AMELY: variants seen among roughly 807,000 people sequenced by gnomAD.
AMELY encodes amelogenin Y-linked.
AMELY carries 4 observed loss-of-function variants against 4.2 expected under a neutral mutation model. That is an observed-to-expected ratio of 0.96 (90% confidence interval 0.47 to 2.19). The LOEUF (loss-of-function observed/expected upper bound fraction) is 2.19. AMELY is among the 30% of genes most tolerant of loss of function. AMELY has a pLI of 0.02. For missense variants in AMELY, 32 were observed against 41.5 expected, an observed-to-expected ratio of 0.77 and a Z score of 0.63; for synonymous variants, 11 against 14.7, an observed-to-expected ratio of 0.75 and a Z score of 0.57.
At chrY:6,897,526 C>T (rs764079638) in intron 1 of AMELY, among the ~76,000 whole-genome samples, 17 of 30,366 alleles carry the variant, frequency 5.6e-4, no homozygotes, top group African/African-American at 2.2e-3. Flanking sequence ...AACTGACTCC[C>T]CTGCCTCGGC....
chrY:6,905,386 A>G, intron 1 of AMELY, among the ~76,000 whole-genome samples: 1 of 32,548 alleles, frequency 3.1e-5, no homozygotes, highest in South Asian at 7.0e-4. Context: ...TGGCACACAA[A>G]TATCTCACCA....
At chrY:6,906,542 G>T in intron 1 of AMELY, among the ~76,000 whole-genome samples, 2 of 33,179 alleles carry the variant, frequency 6.0e-5, no homozygotes, top group African/African-American at 2.4e-4. Flanking sequence ...ACAGCCCTCT[G>T]CAGCCTCAAA....
chrY:6,884,448 A>G (rs747471041), intron 1 of AMELY, among the ~76,000 whole-genome samples: 1 of 32,827 alleles, frequency 3.0e-5, no homozygotes, highest in Non-Finnish European at 7.4e-5. Context: ...TAAATAAATA[A>G]TAAATAAATA....
intron 1 of AMELY, among the ~76,000 whole-genome samples, chrY:6,885,049 A>G: frequency 2.9e-5 from 1 of 34,283 alleles, no homozygotes; most frequent in Non-Finnish European, 7.3e-5. Flanking sequence ...TTTCACATCA[A>G]TCAGAATGTC....
intron 3 of AMELY, among the ~76,000 whole-genome samples, chrY:6,872,011 C>A (rs779927787): frequency 1.9e-4 from 6 of 31,301 alleles, no homozygotes; most frequent in Admixed American, 1.5e-3. Context: ...CCTACAAAAA[C>A]CAAAAACTTC....
At chrY:6,892,272 G>A (rs2124083907) in intron 1 of AMELY, among the ~76,000 whole-genome samples, 4 of 33,756 alleles carry the variant, frequency 1.2e-4, no homozygotes, top group African/African-American at 4.6e-4. Context: ...CACAGCAGAA[G>A]AAATAAAACT....
At chrY:6,899,300 G>A in intron 1 of AMELY, among the ~76,000 whole-genome samples, 1 of 34,170 alleles carries the variant, frequency 2.9e-5, no homozygotes. Flanking sequence ...AGTGAGGCTT[G>A]AGCGACTGAA....
Position 6,868,782 on chromosome Y carries a change from G to A in AMELY, c.103-6C>T. Reference sequence around the variant, plus strand: ...CACTTCAAAGGGGTGAGCACCTTAAGAGAAAGATATATTAGAATCCATTTG... The same window carrying A: ...CACTTCAAAGGGGTGAGCACCTTAAAAGAAAGATATATTAGAATCCATTTG... On this transcript the variant is annotated splice_polypyrimidine_tract_variant and splice_region_variant and intron_variant, in intron 4 of 6. Coordinates refer to ENST00000651267, the MANE Select transcript of AMELY (RefSeq NM_001143.2). The A allele has an allele frequency of 2.6e-6, 1 of 387,580 alleles. No individual in the cohort carries two copies. Among genetic ancestry groups the A allele is most frequent in the Non-Finnish European group, 3.7e-6 (1 of 273,529 alleles).
intron 1 of AMELY, among the ~76,000 whole-genome samples, chrY:6,885,452 G>A: frequency 5.9e-5 from 2 of 34,104 alleles, no homozygotes; most frequent in African/African-American, 1.1e-4. Flanking sequence ...TCCAGCCTGG[G>A]CGACAGAGCG....
intron 4 of AMELY, among the ~76,000 whole-genome samples, chrY:6,869,682 G>T (rs2054065977): frequency 3.0e-5 from 1 of 33,594 alleles, no homozygotes. Context: ...TACCGGATGG[G>T]ATAGAACCAA....
intron 1 of AMELY, among the ~76,000 whole-genome samples, chrY:6,884,830 G>T (rs2054077953): frequency 3.0e-5 from 1 of 32,901 alleles, no homozygotes; most frequent in Non-Finnish European, 7.4e-5. Flanking sequence ...GTTATAAATC[G>T]TCCATCTGAC....
At chrY:6,867,919 G>T in intron 6 of AMELY, 118 bp downstream of exon 6, 1 of 218,547 alleles carries the variant, frequency 4.6e-6, no homozygotes, top group Non-Finnish European at 7.6e-6. Context: ...TAGAATCATA[G>T]ATCTGTAACT....
chrY:6,909,019 T>C (rs746287862), intron 1 of AMELY, among the ~76,000 whole-genome samples: 3 of 33,456 alleles, frequency 9.0e-5, no homozygotes, highest in Admixed American at 2.8e-4. Context: ...TCCATCACTT[T>C]CTCCTACTTT....
At chrY:6,902,535 A>G (rs1603023270) in intron 1 of AMELY, among the ~76,000 whole-genome samples, 4 of 31,538 alleles carry the variant, frequency 1.3e-4, no homozygotes, top group Non-Finnish European at 3.1e-4. Context: ...TTATATGAAG[A>G]GATTAATGGA....
chrY:6,866,341 G>A (rs2054061853), intron 6 of AMELY, among the ~76,000 whole-genome samples: 1 of 33,034 alleles, frequency 3.0e-5, no homozygotes, highest in Non-Finnish European at 7.4e-5. Context: ...ATTCTTGCAT[G>A]CCAGGTTCCA....
chrY:6,889,855 C>T, intron 1 of AMELY, among the ~76,000 whole-genome samples: 1 of 31,414 alleles, frequency 3.2e-5, no homozygotes, highest in African/African-American at 1.3e-4. Context: ...AATGGTGGTA[C>T]ATGCCTATAG....
intron 1 of AMELY, among the ~76,000 whole-genome samples, chrY:6,882,944 A>G (rs768924645): frequency 7.4e-4 from 25 of 33,705 alleles, no homozygotes; most frequent in Non-Finnish European, 1.4e-3. Flanking sequence ...GTCAGGAAAC[A>G]ACAGATGCTG....
At chrY:6,880,591 T>C (rs560689393) in intron 1 of AMELY, among the ~76,000 whole-genome samples, 7 of 33,526 alleles carry the variant, frequency 2.1e-4, no homozygotes, top group Admixed American at 1.4e-3. Flanking sequence ...TTTAATAGTT[T>C]CAGAAGGAAT....
chrY:6,868,967 T>C, intron 4 of AMELY, 191 bp from the exon 5 acceptor site: 1 of 204,906 alleles, frequency 4.9e-6, no homozygotes, highest in Non-Finnish European at 9.2e-6. Flanking sequence ...TGTCAGGCAC[T>C]GTGTTTACAT....
Sources: allele counts gnomAD v4.1 joint callset (sites outside exome capture counted in the v4.1 genomes callset), GRCh38; gene constraint gnomAD v4.1.1; transcripts MANE v1.5; gene names NCBI Gene and HGNC (gene_info 2026-07-23, HGNC 2026-07-21).